The following CACNA1A variants were observed in gnomAD, a reference collection of about 807,000 sequenced individuals.
CACNA1A encodes the protein calcium voltage-gated channel subunit alpha1 A, also known as voltage-dependent P/Q-type calcium channel subunit alpha-1A.
In CACNA1A, 57 loss-of-function variants were observed where a neutral mutation model predicts 262.4. The ratio of observed to expected loss-of-function variants is 0.22; its 90% CI spans 0.18 to 0.27. CACNA1A has a LOEUF of 0.27. Ranked by LOEUF, CACNA1A falls within the 10% of genes least tolerant of loss-of-function variation. The pLI is 1.00. For missense variants in CACNA1A, 2,526 were observed against 3,562.8 expected, an observed-to-expected ratio of 0.71 and a Z score of 7.41; for synonymous variants, 1,431 against 1,419.3, an observed-to-expected ratio of 1.01 and a Z score of -0.18.
chr19:13,426,100 C>G (rs537154414), intron 3 of CACNA1A, among the ~76,000 whole-genome samples: 1 of 151,996 alleles, frequency 6.6e-6, no homozygotes, highest in South Asian at 2.1e-4. Flanking sequence ...GGAAAATGAG[C>G]TTCACACAAC....
chr19:13,386,833 G>C (rs1249062578), intron 3 of CACNA1A, among the ~76,000 whole-genome samples: 1 of 152,116 alleles, frequency 6.6e-6, no homozygotes, highest in Non-Finnish European at 1.5e-5. Context: ...TCTTGGGGCT[G>C]TGAGTGGTAA....
intron 9 of CACNA1A, among the ~76,000 whole-genome samples, chr19:13,330,812 C>T (rs1035118933): frequency 5.9e-5 from 9 of 152,146 alleles, no homozygotes; most frequent in Non-Finnish European, 1.3e-4. Context: ...GCTGGTCAAA[C>T]TCTTGACCTC....
chr19:13,298,876 C>T lies in CACNA1A; in HGVS notation c.2757G>A (p.Glu919=), dbSNP rs747307828. ...SLEQPGFWEG[E]AERGKAGDPH... ...GGTCCCCGGCCTTGCCTCGCTCGGC[C>T]TCGCCCTCCCAGAACCCGGGTTGCT... The change falls in exon 19 of 47, where the codon GAG becomes GAA. Residue 919 remains glutamate, a synonymous_variant. Transcript: ENST00000360228. 8 of 1,593,118 alleles carry T rather than the reference C, an allele frequency of 5.0e-6. No individual in the cohort carries two copies. Among genetic ancestry groups the T allele is most frequent in the South Asian group, 3.3e-5 (3 of 90,184 alleles).
At chr19:13,210,510 A>C in intron 44 of CACNA1A, 107 bp downstream of exon 44, 1 of 937,744 alleles carries the variant, frequency 1.1e-6, no homozygotes, top group Non-Finnish European at 1.6e-6. Flanking sequence ...TGCCAAAGAA[A>C]GGGTGGGGTC....
chr19:13,208,877 GGATGGTGGTGGTGGTGGTGGT>G lies in CACNA1A; in HGVS notation c.6638_6658del (p.His2213_His2219del). On this transcript the variant is annotated inframe_deletion, in exon 46 of 47. Transcript: ENST00000360228. ...ATAGCGGTCCTTGTCGGGGGGCGGG[GGATGGTGGTGGTGGTGGTGGT>G]GGTGGTGGTGCTGTCGATGCTTCCG... 2.7e-6 allele frequency: 4 copies of G among 1,459,946 alleles called. No individual in the cohort carries two copies. The highest frequency in any genetic ancestry group is 2.0e-5 in the Admixed American group (1 of 49,042). The allele number at this position is 1,459,946 out of a possible 1,614,324, so 90.4% of individuals were successfully genotyped here.
chr19:13,448,626 G>A (rs2060859943), intron 3 of CACNA1A, among the ~76,000 whole-genome samples: 1 of 152,202 alleles, frequency 6.6e-6, no homozygotes, highest in Admixed American at 6.5e-5. Flanking sequence ...CCACTTTGCA[G>A]AGCAATTTGG....
intron 3 of CACNA1A, chr19:13,452,175 G>T (rs187929655): frequency 1.3e-5 from 2 of 152,188 alleles, no homozygotes; most frequent in South Asian, 4.2e-4. Context: ...AACTTCTGCC[G>T]TGTTTAAGTC....
chr19:13,484,905 C>T (rs1979792819), intron 1 of CACNA1A, among the ~76,000 whole-genome samples: 2 of 152,110 alleles, frequency 1.3e-5, no homozygotes, highest in Admixed American at 6.5e-5. Context: ...TCCCTTTTTG[C>T]AAGGCCTATA....
chr19:13,378,021 G>A (rs566970562), intron 3 of CACNA1A, among the ~76,000 whole-genome samples: 34 of 152,262 alleles, frequency 2.2e-4, no homozygotes, highest in African/African-American at 6.7e-4. Context: ...TTTGTGATTC[G>A]TGGGAACAGG....
Position 13,207,574 on chromosome 19 carries a change from G to T in CACNA1A, c.7260C>A (p.Gly2420=). The change falls in exon 47 of 47, where the codon GGC becomes GGA. Residue 2420 remains glycine (G), a synonymous_variant. Coordinates refer to ENST00000360228, the MANE Select transcript of CACNA1A (RefSeq NM_001127222.2). This position sits in a 1 kb window ranked among gnomAD's most constrained non-coding sequence, Gnocchi z 5.7. Reference sequence around the variant, plus strand: ...CCTCCTCGCCGCCCCCGCTGCCCGGGCCATCGGCCTCGTCGTAGTCGGAGC... The same window carrying T: ...CCTCCTCGCCGCCCCCGCTGCCCGGTCCATCGGCCTCGTCGTAGTCGGAGC... The part of the protein sequence containing the change: ...YRGSDYDEAD[G]PGSGGGEEAM... 2 of 1,475,666 alleles carry T rather than the reference G, an allele frequency of 1.4e-6. No homozygotes were observed. Among genetic ancestry groups the T allele is most frequent in the Non-Finnish European group, 9.0e-7 (1 of 1,113,448 alleles). 91.4% of individuals were successfully genotyped at this position (1,475,666 alleles called of 1,614,324 possible).
At chr19:13,208,084 A>G in intron 46 of CACNA1A, 31 bp from the exon 47 acceptor site, 1 of 1,259,412 alleles carries the variant, frequency 7.9e-7, no homozygotes, top group Non-Finnish European at 9.9e-7. Context: ...AGGAAATCAA[A>G]AAAAAAGATA....
At chr19:13,497,506 A>T (rs1981710406) in intron 1 of CACNA1A, among the ~76,000 whole-genome samples, 1 of 41,650 alleles carries the variant, frequency 2.4e-5, no homozygotes, top group Non-Finnish European at 4.2e-5. Context: ...AAAAAAAAAA[A>T]AAAAAAAAAA....
At chr19:13,370,587 G>A (rs2059304605) in intron 4 of CACNA1A, among the ~76,000 whole-genome samples, 1 of 149,584 alleles carries the variant, frequency 6.7e-6, no homozygotes, top group Non-Finnish European at 1.5e-5. Flanking sequence ...CATCATGCCT[G>A]CTAATTTTTT....
intron 6 of CACNA1A, among the ~76,000 whole-genome samples, chr19:13,339,019 C>A (rs1375580797): frequency 6.6e-6 from 1 of 152,114 alleles, no homozygotes; most frequent in South Asian, 2.1e-4. Flanking sequence ...GCGCCCGCCA[C>A]CATGCCTGGC....
chr19:13,419,923 T>C (rs957808886), intron 3 of CACNA1A, among the ~76,000 whole-genome samples: 1 of 151,518 alleles, frequency 6.6e-6, no homozygotes, highest in Non-Finnish European at 1.5e-5. Context: ...CTGTTTCTAT[T>C]AAAAATACAA....
intron 11 of CACNA1A, 46 bp from the exon 12 acceptor site, chr19:13,312,827 G>T: frequency 1.0e-6 from 1 of 987,874 alleles, no homozygotes; most frequent in Non-Finnish European, 1.5e-6. Context: ...GGCTTGCTGA[G>T]GGTAGGGGTT....
rs2054578222 is a variant in CACNA1A at position 13,206,663 on chromosome 19, A to T, written c.*650T>A. On this transcript the variant is annotated 3_prime_UTR_variant, in exon 47 of 47. Coordinates refer to ENST00000360228, the MANE Select transcript of CACNA1A (RefSeq NM_001127222.2). ...AATCATTAATTTTTTTGTCCTTTTT[A>T]AAATTGTTTATTGTTATTATTATTT... 2 of 123,740 alleles carry T rather than the reference A, an allele frequency of 1.6e-5. No individual in the cohort carries two copies. The highest frequency in any genetic ancestry group is 3.3e-5 in the Non-Finnish European group (2 of 61,314). 7.7% of individuals were successfully genotyped at this position (123,740 alleles called of 1,614,324 possible).
At chr19:13,211,519 T>G (rs1235327933) in intron 43 of CACNA1A, 1 of 153,024 alleles carries the variant, frequency 6.5e-6, no homozygotes, top group Non-Finnish European at 1.5e-5. Context: ...CGAGCCCAGC[T>G]GCCCCCAGAC....
In CACNA1A at chr19:13,241,986, GCCTGGCCAAGC is replaced by G. The variant is rs2056093987; in HGVS notation, c.4950+3185_4950+3195del. 6.6e-6 allele frequency among the ~76,000 whole-genome samples: 1 copy of G among 152,100 alleles called. No homozygotes were observed. The highest frequency in any genetic ancestry group is 2.4e-5 in the African/African-American group (1 of 41,424). On this transcript the variant is annotated intron_variant, in intron 31 of 46. Coordinates refer to ENST00000360228, the MANE Select transcript of CACNA1A (RefSeq NM_001127222.2). The surrounding 1 kb of genome is among the most constrained non-coding windows in gnomAD (Gnocchi z 4.0). Reference sequence around the variant, plus strand: ...CAAGCATCTGGCATTTCCTGTCTCAGCCTGGCCAAGCCCTGGCCTCAGAACTAGTGGGCTTA... The same window carrying G: ...CAAGCATCTGGCATTTCCTGTCTCAGCCTGGCCTCAGAACTAGTGGGCTTA...
Sources: allele counts gnomAD v4.1 joint callset (sites outside exome capture counted in the v4.1 genomes callset), GRCh38; gene constraint gnomAD v4.1.1; non-coding constraint Gnocchi (gnomAD v3.1); transcripts MANE v1.5; gene names NCBI Gene and HGNC (gene_info 2026-07-23, HGNC 2026-07-21).